GPR39: variants seen among roughly 807,000 people sequenced by gnomAD.
GPR39 encodes zinc sensing receptor.
In GPR39, 23 loss-of-function variants were observed where a neutral mutation model predicts 18.4. That is an observed-to-expected ratio of 1.25 (90% CI 0.90 to 1.77). The LOEUF is 1.77. GPR39 is among the 40% of genes most tolerant of loss of function. GPR39 has a pLI of 0.00. For synonymous variants in GPR39, 280 were observed against 257.9 expected, an observed-to-expected ratio of 1.09 and a Z score of -0.82; for missense variants, 647 against 602.4, an observed-to-expected ratio of 1.07 and a Z score of -0.78.
At chr2:132,584,077 G>A (rs1239585363) in intron 1 of GPR39, among the ~76,000 whole-genome samples, 4 of 152,064 alleles carry the variant, frequency 2.6e-5, no homozygotes, top group Admixed American at 1.3e-4. Flanking sequence ...TTTGAGGGGT[G>A]GGGTAGGGAT....
At chr2:132,431,360 A>G (rs1680221398) in intron 1 of GPR39, among the ~76,000 whole-genome samples, 1 of 152,244 alleles carries the variant, frequency 6.6e-6, no homozygotes, top group African/African-American at 2.4e-5. Context: ...CATATTGACC[A>G]TGGAAAATAG....
rs761835085 is a variant in GPR39 at position 132,441,396 on chromosome 2, TTG to T, written c.856+23500_856+23501del. 7.0e-3 allele frequency among the ~76,000 whole-genome samples: 123 copies of T among 17,640 alleles called. 1 individual carries two copies. The highest frequency in any genetic ancestry group is 0.1 in the Middle Eastern group (2 of 20). 11.6% of individuals were successfully genotyped at this position (17,640 alleles called of 152,430 possible). On this transcript the variant is annotated intron_variant, in intron 1 of 1. Transcript: ENST00000329321. ...TCATGCATATATGCTTTTTTTTTTGTTGTTGTTGTTGTTGCAGATAGCAAATG... is the reference window on the plus strand; with the variant it reads ...TCATGCATATATGCTTTTTTTTTTGTTTGTTGTTGTTGCAGATAGCAAATG...
intron 1 of GPR39, among the ~76,000 whole-genome samples, chr2:132,544,145 T>A (rs1261013879): frequency 6.6e-6 from 1 of 152,182 alleles, no homozygotes. Context: ...TGAGAACATA[T>A]GTTAAGATGT....
At chr2:132,621,924 A>T (rs568268557) in intron 1 of GPR39, among the ~76,000 whole-genome samples, 1 of 152,202 alleles carries the variant, frequency 6.6e-6, no homozygotes, top group South Asian at 2.1e-4. Context: ...GGTGTGGGGC[A>T]TTAGAGAGGT....
intron 1 of GPR39, among the ~76,000 whole-genome samples, chr2:132,640,097 C>G (rs1257923644): frequency 6.6e-6 from 1 of 152,122 alleles, no homozygotes; most frequent in Non-Finnish European, 1.5e-5. Flanking sequence ...TCTTGATCTC[C>G]TGATCTCTAA....
At chr2:132,423,600 AC>A (rs1345535869) in intron 1 of GPR39, among the ~76,000 whole-genome samples, 1 of 151,282 alleles carries the variant, frequency 6.6e-6, no homozygotes, top group Non-Finnish European at 1.5e-5. Flanking sequence ...TTTCTATCTT[AC>A]TCTATTCTCT....
chr2:132,517,139 TTGTG>T (rs1679349464), intron 1 of GPR39, among the ~76,000 whole-genome samples: 1 of 151,810 alleles, frequency 6.6e-6, no homozygotes, highest in Non-Finnish European at 1.5e-5. Flanking sequence ...GTCACTCCGT[TTGTG>T]TGTTTAGGGG....
At chr2:132,611,315 T>G (rs1478711660) in intron 1 of GPR39, among the ~76,000 whole-genome samples, 1 of 152,164 alleles carries the variant, frequency 6.6e-6, no homozygotes, top group East Asian at 1.9e-4. Flanking sequence ...TGCCAAAGAT[T>G]CCTAACCACG....
intron 1 of GPR39, chr2:132,644,816 A>T (rs1046155536): frequency 1.3e-5 from 5 of 386,016 alleles, no homozygotes; most frequent in East Asian, 4.5e-5. Flanking sequence ...CAATGAAAAC[A>T]TTTTTTTAAA....
intron 1 of GPR39, among the ~76,000 whole-genome samples, chr2:132,623,201 G>T (rs1681477159): frequency 6.6e-6 from 1 of 152,166 alleles, no homozygotes; most frequent in Non-Finnish European, 1.5e-5. Flanking sequence ...AAAAGTCAGA[G>T]CTCAGTCCTC....
chr2:132,611,150 C>T (rs1681233285), intron 1 of GPR39, among the ~76,000 whole-genome samples: 1 of 152,326 alleles, frequency 6.6e-6, no homozygotes. Flanking sequence ...CATAGTGTTC[C>T]CTTTTTAATT....
At chr2:132,560,483 T>C in intron 1 of GPR39, among the ~76,000 whole-genome samples, 1 of 152,200 alleles carries the variant, frequency 6.6e-6, no homozygotes, top group Non-Finnish European at 1.5e-5. Context: ...TCGTCTCATC[T>C]GTTCTATGTA....
chr2:132,553,659 C>T (rs948370106), intron 1 of GPR39, among the ~76,000 whole-genome samples: 2 of 152,006 alleles, frequency 1.3e-5, no homozygotes, highest in African/African-American at 2.4e-5. Flanking sequence ...GGGGCAGGCA[C>T]GGCTGTCCTC....
In GPR39 at chr2:132,564,851, C is replaced by T. The variant is rs893887937; in HGVS notation, c.857-80250C>T. ...TTTTTTGTTGAGACAGAGTCTCGCT[C>T]TATTGCCCAGGCTGGAGTACAGTGG... is the stretch of plus-strand genomic sequence containing the variant. On this transcript the variant is annotated intron_variant, in intron 1 of 1. Coordinates refer to ENST00000329321, the MANE Select transcript of GPR39 (RefSeq NM_001508.3). Among the ~76,000 whole-genome samples the T allele has an allele frequency of 4.3e-5, 4 of 92,824 alleles. 1 individual carries two copies. In the South Asian group the frequency reaches 1.5e-3, roughly 35 times the overall value. The allele number at this position is 92,824 out of a possible 152,430, so 60.9% of individuals were successfully genotyped here. A position where few individuals can be genotyped will look rare whatever the true frequency, so the allele number is the denominator to read the frequency against.
intron 1 of GPR39, among the ~76,000 whole-genome samples, chr2:132,443,299 A>T (rs1380542907): frequency 6.6e-6 from 1 of 152,190 alleles, no homozygotes; most frequent in Non-Finnish European, 1.5e-5. Context: ...AACTCATCCA[A>T]TATTACTAAA....
chr2:132,602,750 A>G (rs1681064857), intron 1 of GPR39, among the ~76,000 whole-genome samples: 1 of 152,070 alleles, frequency 6.6e-6, no homozygotes, highest in Non-Finnish European at 1.5e-5. Flanking sequence ...TTTCTCTAAA[A>G]AAAAAGACAC....
chr2:132,546,824 G>A (rs1182790846), intron 1 of GPR39, among the ~76,000 whole-genome samples: 1 of 96,614 alleles, frequency 1.0e-5, no homozygotes, highest in Non-Finnish European at 1.8e-5. Context: ...TCTCCAGGAT[G>A]CAGTAGCTCC....
chr2:132,634,218 T>C (rs1308658237), intron 1 of GPR39, among the ~76,000 whole-genome samples: 1 of 151,826 alleles, frequency 6.6e-6, no homozygotes, highest in Non-Finnish European at 1.5e-5. Flanking sequence ...GGAGGTGAGA[T>C]GGTCATAATT....
intron 1 of GPR39, chr2:132,418,679 C>T (rs1387957790): frequency 6.6e-6 from 1 of 152,190 alleles, no homozygotes; most frequent in Non-Finnish European, 1.5e-5. Context: ...GAGGCCTCGT[C>T]TATTTAAAAA....
Sources: gnomAD v4.1 joint callset for allele counts (sites outside exome capture counted in the v4.1 genomes callset) on GRCh38, gnomAD v4.1.1 for gene constraint, MANE v1.5 for transcripts, NCBI Gene and HGNC (gene_info 2026-07-23, HGNC 2026-07-21) for gene names.